PLEKHG6: variants seen among roughly 807,000 people sequenced by gnomAD.
The protein encoded by PLEKHG6 is pleckstrin homology domain-containing family G member 6.
PLEKHG6 carries 91 observed loss-of-function variants against 97.5 expected under a neutral mutation model. The observed-to-expected ratio is 0.93, with a 90% confidence interval of 0.79 to 1.11. PLEKHG6 has a LOEUF of 1.11. PLEKHG6 is among the 50% of genes most tolerant of loss of function. The pLI is 0.00. For synonymous variants in PLEKHG6, 466 were observed against 425.5 expected (o/e 1.10, Z -1.17); for missense variants, 1,044 against 1,031.0 (o/e 1.01, Z -0.17).
At position 6,327,318 on chromosome 12, in the gene PLEKHG6, C is replaced by G; in HGVS notation, c.1735C>G (p.Pro579Ala). 6.2e-7 allele frequency: 1 copy of G among 1,613,872 alleles called. No individual in the cohort carries two copies. ...GACAGAAGACACAGATGAAGATGCT[C>G]CCCTTGTGCCAGATGATACCTCAGA... ...VVTEDTDEDA[P>A]LVPDDTSDSG... is the part of the protein sequence containing the mutation. Residue 579 changes from proline (P) to alanine (A), a missense_variant, in exon 15 of 16, where the codon CCC becomes GCC. Transcript: ENST00000684764.
Position 6,317,920 on chromosome 12 carries a change from G to T in PLEKHG6, c.1081G>T (p.Glu361Ter), listed in dbSNP as rs761944236. Residue 361 changes from glutamate to a stop codon, truncating the protein, a stop_gained, in exon 10 of 16, where the codon GAG becomes TAG. Transcript: ENST00000684764. LOFTEE classifies it high-confidence loss of function. Reference sequence around the variant, plus strand: ...GCAGGTCCGCCAGGGCGAAGAGCAAGAGAGCTTGGCGGCTGCAGCACAACG... The same window carrying T: ...GCAGGTCCGCCAGGGCGAAGAGCAATAGAGCTTGGCGGCTGCAGCACAACG... ...NGQVRQGEEQ[E>*]SLAAAAQRIG... 5 of 1,568,010 alleles carry T rather than the reference G, an allele frequency of 3.2e-6. No individual in the cohort carries two copies. The Admixed American group carries it at 9.6e-5, about 30-fold the overall frequency.
chr12:6,313,748 T>C lies in PLEKHG6; in HGVS notation c.258T>C (p.His86=), dbSNP rs751019038. 7 of 1,606,594 alleles carry C rather than the reference T, an allele frequency of 4.4e-6. No individual in the cohort carries two copies. The Admixed American group carries it at 1.0e-4, about 24-fold the overall frequency. The change falls in exon 3 of 16, where the codon CAT becomes CAC. Residue 86 remains histidine (H), a synonymous_variant. Transcript: ENST00000684764. ...AGCCCGAGAAGAGGCACGGGGGCCA[T>C]GTGGGGGCTGGCCTGCTTCACTCCC... is the stretch of plus-strand genomic sequence containing the variant. ...DPEPEKRHGG[H]VGAGLLHSPK...
chr12:6,326,685 C>G (rs1947869255), intron 14 of PLEKHG6, 112 bp downstream of exon 14: 1 of 1,055,154 alleles, frequency 9.5e-7, no homozygotes, highest in Non-Finnish European at 1.3e-6. Context: ...TAGAGGAACG[C>G]AGGCGTAGGG....
chr12:6,327,532 C>G lies in PLEKHG6; in HGVS notation c.1949C>G (p.Pro650Arg), dbSNP rs758677134. 10 of 1,609,776 alleles carry G rather than the reference C, an allele frequency of 6.2e-6. No individual in the cohort carries two copies. Among genetic ancestry groups the G allele is most frequent in the Non-Finnish European group, 8.5e-6 (10 of 1,178,106 alleles). ...CAACGCCGAAGCGCCCCCGAACTGC[C>G]GGAAGGAATCCTAAAAGGAGGCAGT... ...APQRRSAPEL[P>R]EGILKGGSLP... The change falls in exon 15 of 16, where the codon CCG becomes CGG. Residue 650 changes from proline to arginine, a missense_variant. By Grantham distance (103) the Pro-to-Arg change is moderately radical. Coordinates refer to ENST00000684764, the MANE Select transcript of PLEKHG6 (RefSeq NM_001384598.1).
chr12:6,317,724 T>C, intron 9 of PLEKHG6, 28 bp downstream of exon 9: 3 of 1,610,686 alleles, frequency 1.9e-6, no homozygotes, highest in Non-Finnish European at 2.5e-6. Context: ...GCTGGGACTC[T>C]GGTGAATCGG....
At chr12:6,310,644 G>C (rs958750491), upstream of PLEKHG6, 1 of 152,198 alleles carries the variant, frequency 6.6e-6, no homozygotes, top group African/African-American at 2.4e-5. Context: ...TGCCCCGAGC[G>C]GTGCTGGCGG....
At chr12:6,319,171 A>G in intron 13 of PLEKHG6, 63 bp downstream of exon 13, 1 of 1,062,296 alleles carries the variant, frequency 9.4e-7, no homozygotes. Flanking sequence ...AAATGGGAGC[A>G]CAGTGGTGGA....
chr12:6,324,012 G>T (rs1947785415), intron 13 of PLEKHG6, among the ~76,000 whole-genome samples: 2 of 152,120 alleles, frequency 1.3e-5, no homozygotes, highest in African/African-American at 4.8e-5. Context: ...GGGAAAGGAG[G>T]CATTTCCTCT....
chr12:6,323,942 C>T (rs985088980), intron 13 of PLEKHG6, among the ~76,000 whole-genome samples: 8 of 152,044 alleles, frequency 5.3e-5, no homozygotes, highest in Non-Finnish European at 7.4e-5. Context: ...GGTTTTAGTC[C>T]GGCACTGGGG....
chr12:6,319,511 G>A (rs1947628867), intron 13 of PLEKHG6: 3 of 1,500,036 alleles, frequency 2.0e-6, no homozygotes, highest in South Asian at 1.2e-5. Flanking sequence ...AGCGCAGAGG[G>A]GAGGAGGAGA....
In PLEKHG6 at chr12:6,327,896, G is replaced by A; in HGVS notation, c.2313G>A (p.Gln771=). 6.7e-7 allele frequency: 1 copy of A among 1,487,432 alleles called. No individual in the cohort carries two copies. Among genetic ancestry groups the A allele is most frequent in the South Asian group, 1.4e-5 (1 of 72,138 alleles). 92.1% of individuals were successfully genotyped at this position (1,487,432 alleles called of 1,614,324 possible). Residue 771 remains glutamine (Q), a synonymous_variant, in exon 15 of 16, where the codon CAG becomes CAA. Transcript: ENST00000684764. ...RPRKLTRAQL[Q]RMRGPHIIQL... ...GGAAGCTGACTCGGGCCCAGCTGCAGAGGATGCGGGGGCCCCACATCATTC... is the reference window on the plus strand; with the variant it reads ...GGAAGCTGACTCGGGCCCAGCTGCAAAGGATGCGGGGGCCCCACATCATTC...
intron 13 of PLEKHG6, among the ~76,000 whole-genome samples, chr12:6,321,534 A>T (rs116089924): frequency 0.017 from 2,572 of 152,064 alleles, 67 homozygotes; most frequent in African/African-American, 0.057. Context: ...AAGGAGAAGA[A>T]AGGACCTAAA....
chr12:6,320,679 G>A (rs1429053019), intron 13 of PLEKHG6, among the ~76,000 whole-genome samples: 3 of 152,058 alleles, frequency 2.0e-5, no homozygotes, highest in Admixed American at 1.3e-4. Context: ...ACTCTTTTTC[G>A]AAATCAGGTC....
chr12:6,322,087 G>A (rs1355078752), intron 13 of PLEKHG6, among the ~76,000 whole-genome samples: 3 of 152,160 alleles, frequency 2.0e-5, no homozygotes, highest in African/African-American at 4.8e-5. Context: ...CCAGCACTGG[G>A]CACAGGCTCA....
chr12:6,312,470 G>A, intron 2 of PLEKHG6, 106 bp downstream of exon 2: 2 of 1,289,724 alleles, frequency 1.6e-6, no homozygotes, highest in Admixed American at 2.8e-5. Flanking sequence ...AGCTATTCCT[G>A]CCCCTTACCC....
Position 6,328,153 on chromosome 12 carries a change from A to C in PLEKHG6, c.*8A>C, listed in dbSNP as rs755130900. ...CTTTTCAGAGAGGTATGAGGAATGCAGAGGACCTTTGGCATGCATCTCTCC... is the reference window on the plus strand; with the variant it reads ...CTTTTCAGAGAGGTATGAGGAATGCCGAGGACCTTTGGCATGCATCTCTCC... On this transcript the variant is annotated 3_prime_UTR_variant, in exon 16 of 16. Transcript: ENST00000684764. 2 of 1,613,940 alleles carry C rather than the reference A, an allele frequency of 1.2e-6. No homozygotes were observed. Among genetic ancestry groups the C allele is most frequent in the Admixed American group, 3.3e-5 (2 of 60,014 alleles).
chr12:6,319,012 C>G lies in PLEKHG6; in HGVS notation c.1428C>G (p.His476Gln). Residue 476 changes from histidine (H) to glutamine (Q), a missense_variant, in exon 13 of 16, where the codon CAC becomes CAG. Transcript: ENST00000684764. ...LRDPNSFLLI[H>Q]LTEFQCVSSA... ...ATCCAGACAGCTTCCTGCTGATCCACCTCACTGAATTCCAGTGTGTCTCCA... is the reference window on the plus strand; with the variant it reads ...ATCCAGACAGCTTCCTGCTGATCCAGCTCACTGAATTCCAGTGTGTCTCCA... 2 of 1,614,072 alleles carry G rather than the reference C, an allele frequency of 1.2e-6. No individual in the cohort carries two copies. The highest frequency in any genetic ancestry group is 1.7e-6 in the Non-Finnish European group (2 of 1,179,930).
intron 7 of PLEKHG6, 106 bp from the exon 8 acceptor site, chr12:6,317,197 G>A: frequency 4.2e-6 from 3 of 708,654 alleles, no homozygotes; most frequent in South Asian, 3.2e-5. Context: ...TGGGCTAAGG[G>A]CCCCTGCGAG....
Position 6,327,479 on chromosome 12 carries a change from T to TGGCCCCCCCC in PLEKHG6, c.1896_1897insGGCCCCCCCC (p.Pro633GlyfsTer40). ...TGGAACTCCGGGACATCCCTCTGCG[T>TGGCCCCCCCC]CCCCACCCTCCCGACCCCCAAGCTC... On this transcript the variant is annotated frameshift_variant, in exon 15 of 16. Transcript: ENST00000684764. LOFTEE classifies it high-confidence loss of function. 1.0e-5 allele frequency: 16 copies of TGGCCCCCCCC among 1,603,216 alleles called. No individual in the cohort carries two copies. The highest frequency in any genetic ancestry group is 2.7e-5 in the African/African-American group (2 of 74,594).
Sources: allele counts gnomAD v4.1 joint callset (sites outside exome capture counted in the v4.1 genomes callset), GRCh38; gene constraint gnomAD v4.1.1; transcripts MANE v1.5; gene names NCBI Gene and HGNC (gene_info 2026-07-23, HGNC 2026-07-21).